The following PTPRG variants were observed in gnomAD, a reference collection of about 807,000 sequenced individuals.
PTPRG encodes protein tyrosine phosphatase receptor type G.
Under a neutral mutation model 165.3 loss-of-function variants are expected in PTPRG, and 102 were observed. The observed-to-expected ratio is 0.62, with a 90% CI of 0.53 to 0.73. The LOEUF is 0.73. Among genes scored for constraint, PTPRG ranks in the 30% least tolerant of loss-of-function variants. The pLI, the probability that PTPRG is intolerant of heterozygous loss-of-function variation, is 0.00. For missense variants in PTPRG, 1,866 were observed against 1,861.4 expected, an observed-to-expected ratio of 1.00 and a Z score of -0.05; for synonymous variants, 675 against 669.5, an observed-to-expected ratio of 1.01 and a Z score of -0.13.
intron 12 of PTPRG, among the ~76,000 whole-genome samples, chr3:62,204,681 TG>T (rs1195810463): frequency 1.3e-5 from 2 of 152,220 alleles, no homozygotes; most frequent in African/African-American, 4.8e-5. Flanking sequence ...GGCTTCAGCC[TG>T]GGGAGAGCTG....
chr3:62,269,255 A>T (rs1701981457), intron 20 of PTPRG, 86 bp downstream of exon 20: 4 of 1,353,754 alleles, frequency 3.0e-6, no homozygotes, highest in African/African-American at 1.5e-5. Context: ...CAAATCTCAT[A>T]ACCAACTTGG....
chr3:61,720,524 G>A (rs1243924928), intron 1 of PTPRG, among the ~76,000 whole-genome samples: 1 of 152,132 alleles, frequency 6.6e-6, no homozygotes, highest in Non-Finnish European at 1.5e-5. Context: ...TCTGAACACA[G>A]CCATGTAACC....
chr3:61,940,687 A>G (rs1371241229), intron 2 of PTPRG, among the ~76,000 whole-genome samples: 3 of 147,150 alleles, frequency 2.0e-5, no homozygotes, highest in Admixed American at 7.0e-5. Flanking sequence ...TTTTTTTGAC[A>G]GAGTCTCGCT....
intron 2 of PTPRG, among the ~76,000 whole-genome samples, chr3:61,905,869 A>G (rs2038634995): frequency 6.6e-6 from 1 of 152,242 alleles, no homozygotes; most frequent in South Asian, 2.1e-4. Flanking sequence ...TCTAGATGAA[A>G]TAGACCATTC....
At chr3:61,745,295 C>T (rs2033155668) in intron 1 of PTPRG, among the ~76,000 whole-genome samples, 1 of 152,128 alleles carries the variant, frequency 6.6e-6, no homozygotes, top group Admixed American at 6.5e-5. Context: ...GATCCGCCCA[C>T]CTTGGCCTCC....
intron 5 of PTPRG, among the ~76,000 whole-genome samples, chr3:62,092,063 GACACACACACACACAC>G (rs58689072): frequency 0.048 from 5,453 of 114,772 alleles, 244 homozygotes; most frequent in East Asian, 0.072. Context: ...CTTATACATG[GACACACACACACACAC>G]ACACACACAC....
At chr3:62,292,701 C>T (rs766670056) in intron 29 of PTPRG, 145 bp downstream of exon 29, 19 of 848,194 alleles carry the variant, frequency 2.2e-5, no homozygotes, top group Non-Finnish European at 3.3e-5. Flanking sequence ...CTTGTCACAA[C>T]TGCAGATGGA....
At chr3:62,010,522 CT>C (rs1041848485) in intron 4 of PTPRG, among the ~76,000 whole-genome samples, 5 of 152,036 alleles carry the variant, frequency 3.3e-5, no homozygotes, top group Admixed American at 3.3e-4. Context: ...GTTTCTTTTC[CT>C]TTTCTATTTT....
chr3:62,288,320 T>C (rs923260575), intron 28 of PTPRG, among the ~76,000 whole-genome samples: 2 of 152,076 alleles, frequency 1.3e-5, no homozygotes, highest in African/African-American at 4.8e-5. Flanking sequence ...TAGTAAGAGA[T>C]ACAGTTTTGG....
intron 2 of PTPRG, among the ~76,000 whole-genome samples, chr3:61,988,000 T>A (rs556783479): frequency 6.6e-6 from 1 of 152,224 alleles, no homozygotes; most frequent in African/African-American, 2.4e-5. Flanking sequence ...AATACATGAG[T>A]GAAAAGCCTA....
chr3:61,663,712 C>T (rs1174696813), intron 1 of PTPRG, among the ~76,000 whole-genome samples: 1 of 152,136 alleles, frequency 6.6e-6, no homozygotes, highest in African/African-American at 2.4e-5. Context: ...TGCAACTAAG[C>T]AGTCCCATCT....
intron 14 of PTPRG, among the ~76,000 whole-genome samples, chr3:62,243,234 T>C (rs905358744): frequency 6.6e-6 from 1 of 152,028 alleles, no homozygotes; most frequent in Non-Finnish European, 1.5e-5. Flanking sequence ...ACGTAAGGGC[T>C]TCAAGACCTT....
intron 1 of PTPRG, among the ~76,000 whole-genome samples, chr3:61,677,348 T>C (rs1027877844): frequency 6.6e-6 from 1 of 152,204 alleles, no homozygotes; most frequent in Admixed American, 6.5e-5. Context: ...ACTGAATCTT[T>C]ATGAAGGCCA....
At chr3:62,138,793 AGTAT>A (rs1364252874) in intron 6 of PTPRG, among the ~76,000 whole-genome samples, 1 of 150,492 alleles carries the variant, frequency 6.6e-6, no homozygotes, top group East Asian at 1.9e-4. Context: ...GCTAAGATCG[AGTAT>A]GTGTGCGTTA....
intron 6 of PTPRG, among the ~76,000 whole-genome samples, chr3:62,146,310 A>T (rs1559564378): frequency 6.6e-6 from 1 of 152,228 alleles, no homozygotes; most frequent in African/African-American, 2.4e-5. Context: ...TAGATGTCTT[A>T]GATGTCTTTG....
At chr3:61,940,845 T>C (rs1279061075) in intron 2 of PTPRG, among the ~76,000 whole-genome samples, 2 of 152,032 alleles carry the variant, frequency 1.3e-5, no homozygotes, top group Non-Finnish European at 2.9e-5. Flanking sequence ...TTTGTATTTT[T>C]AGTAGAGATG....
Position 62,149,402 on chromosome 3 carries a change from A to C in PTPRG, c.683-7665A>C, listed in dbSNP as rs1020174900. On this transcript the variant is annotated intron_variant, in intron 6 of 29. Transcript: ENST00000474889. ...GATTTTCCTGCCCCAGCCTCCCAACAAGCTGGGACTACAGGCACACGCCAC... is the reference window on the plus strand; with the variant it reads ...GATTTTCCTGCCCCAGCCTCCCAACCAGCTGGGACTACAGGCACACGCCAC... Among the ~76,000 whole-genome samples, 11 of 151,360 alleles carry C rather than the reference A, an allele frequency of 7.3e-5. No individual in the cohort carries two copies. In the South Asian group the frequency reaches 1.3e-3, roughly 17 times the overall value.
chr3:62,059,218 G>A (rs1008935709), intron 4 of PTPRG, among the ~76,000 whole-genome samples: 11 of 152,180 alleles, frequency 7.2e-5, no homozygotes, highest in Admixed American at 2.0e-4. Context: ...TAATCTTCAC[G>A]AAGCACATGT....
intron 5 of PTPRG, among the ~76,000 whole-genome samples, chr3:62,085,800 A>G (rs771300590): frequency 6.8e-4 from 104 of 152,060 alleles, no homozygotes; most frequent in Non-Finnish European, 9.7e-4. Flanking sequence ...TCATTTGTTC[A>G]CTCTGCATAT....
Sources: gnomAD v4.1 joint callset for allele counts (sites outside exome capture counted in the v4.1 genomes callset) on GRCh38, gnomAD v4.1.1 for gene constraint, MANE v1.5 for transcripts, NCBI Gene and HGNC (gene_info 2026-07-23, HGNC 2026-07-21) for gene names.